IBTK: variants seen among roughly 807,000 people sequenced by gnomAD.
The protein encoded by IBTK is BTK-binding protein.
IBTK carries 83 observed loss-of-function variants against 154.9 expected under a neutral mutation model. The ratio of observed to expected loss-of-function variants is 0.54; its 90% CI spans 0.45 to 0.64. The LOEUF is 0.64. Ranked by LOEUF, IBTK falls within the 30% of genes least tolerant of loss-of-function variation. The probability of loss-of-function intolerance (pLI) is 0.00; values close to 1 mark genes in which losing one functional copy is unlikely to be tolerated. For missense variants in IBTK, 1,332 were observed against 1,584.6 expected (o/e 0.84, Z 2.71); for synonymous variants, 515 against 536.1 (o/e 0.96, Z 0.54).
At chr6:82,208,157 G>T (rs534027518) in intron 16 of IBTK, among the ~76,000 whole-genome samples, 6 of 151,306 alleles carry the variant, frequency 4.0e-5, no homozygotes, top group African/African-American at 9.7e-5. Context: ...TGAGGTGACG[G>T]TTATGTTAAT....
intron 5 of IBTK, 99 bp from the exon 6 acceptor site, chr6:82,225,746 A>C (rs1226302451): frequency 1.2e-6 from 1 of 853,258 alleles, no homozygotes; most frequent in African/African-American, 1.7e-5. Context: ...ATGAAATGAC[A>C]TGACTGATAC....
chr6:82,197,628 C>T (rs1476242161), intron 21 of IBTK, among the ~76,000 whole-genome samples: 1 of 152,268 alleles, frequency 6.6e-6, no homozygotes, highest in Admixed American at 6.5e-5. Flanking sequence ...GCCTTGGCCT[C>T]CCAAAGTGCT....
At chr6:82,182,763 A>T (rs973542872) in intron 25 of IBTK, among the ~76,000 whole-genome samples, 1 of 152,228 alleles carries the variant, frequency 6.6e-6, no homozygotes, top group African/African-American at 2.4e-5. Flanking sequence ...TAGAAACACA[A>T]CACAGAATGA....
chr6:82,224,219 T>A (rs760399586), intron 6 of IBTK, 34 bp from the exon 7 acceptor site: 14 of 1,412,006 alleles, frequency 9.9e-6, no homozygotes, highest in Non-Finnish European at 1.4e-5. Flanking sequence ...CAATTTACTA[T>A]ATATTTATGA....
intron 25 of IBTK, chr6:82,189,074 G>T (rs1486672967): frequency 2.3e-6 from 1 of 430,736 alleles, no homozygotes; most frequent in South Asian, 1.7e-5. Flanking sequence ...AGCCTAGGGG[G>T]ACCAATATCT....
chr6:82,172,363 C>A lies in IBTK; in HGVS notation c.3930+17G>T. On this transcript the variant is annotated intron_variant, in intron 28 of 28. Coordinates refer to ENST00000306270, the MANE Select transcript of IBTK (RefSeq NM_015525.4). Reference sequence around the variant, plus strand: ...TAGTTCTTCTCTAAATTAAACCCTACTAAGTATGTTATTTACCTGAATCAG... The same window carrying A: ...TAGTTCTTCTCTAAATTAAACCCTAATAAGTATGTTATTTACCTGAATCAG... 1 of 1,608,758 alleles carries A rather than the reference C, an allele frequency of 6.2e-7. No individual in the cohort carries two copies. Among genetic ancestry groups the A allele is most frequent in the Non-Finnish European group, 8.5e-7 (1 of 1,178,170 alleles).
chr6:82,191,257 A>C, intron 24 of IBTK, 41 bp from the exon 25 acceptor site: 1 of 1,510,916 alleles, frequency 6.6e-7, no homozygotes. Flanking sequence ...TTCTTCTGAC[A>C]AAGTTTAATT....
chr6:82,194,789 T>C (rs1300142920), intron 22 of IBTK, 147 bp from the exon 23 acceptor site: 1 of 524,632 alleles, frequency 1.9e-6, no homozygotes, highest in African/African-American at 2.0e-5. Flanking sequence ...AATCATGTTC[T>C]TCTACAGTTT....
chr6:82,214,448 C>G lies in IBTK; in HGVS notation c.1983G>C (p.Gln661His), dbSNP rs754743772. The change falls in exon 12 of 29, where the codon CAG (glutamine) becomes CAC (histidine). Residue 661 changes from glutamine to histidine, a missense_variant. By Grantham distance (24) the Gln-to-His change is conservative (BLOSUM62 0). This residue lies in a region of IBTK where 1,134 missense variants were observed against 1,274.7 expected (regional missense o/e 0.89). Transcript: ENST00000306270. Reference protein sequence around the residue: ...IHLNKNPEEYQGTLNSHLNKV... With the variant: ...IHLNKNPEEYHGTLNSHLNKV... Reference sequence around the variant, plus strand: ...TATTCAAATGAGAATTCAGAGTTCCCTGATATTCTTCTGGGTTTTTGTTTA... The same window carrying G: ...TATTCAAATGAGAATTCAGAGTTCCGTGATATTCTTCTGGGTTTTTGTTTA... 7 of 1,613,914 alleles carry G rather than the reference C, an allele frequency of 4.3e-6. No individual in the cohort carries two copies. Among genetic ancestry groups the G allele is most frequent in the Non-Finnish European group, 4.2e-6 (5 of 1,179,922 alleles).
chr6:82,208,098 A>G (rs139902706), intron 16 of IBTK, among the ~76,000 whole-genome samples: 1,782 of 151,350 alleles, frequency 0.012, 29 homozygotes, highest in Non-Finnish European at 0.015. Flanking sequence ...TTGCTGAAGG[A>G]CTAGATCTCA....
chr6:82,186,913 C>CTTTTTTTTTTTTTTTTTTTTTTTTTTT, intron 25 of IBTK, among the ~76,000 whole-genome samples: 1 of 103,676 alleles, frequency 9.6e-6, no homozygotes, highest in Non-Finnish European at 1.9e-5. Context: ...TTATCAAATT[C>CTTTTTTTTTTTTTTTTTTTTTTTTTTT]TTTTTTTTTT....
chr6:82,235,549 G>A (rs536233566), intron 2 of IBTK, among the ~76,000 whole-genome samples: 22 of 152,084 alleles, frequency 1.4e-4, no homozygotes, highest in African/African-American at 9.6e-5. Context: ...AACCGAGATC[G>A]CGCCACTGCA....
In IBTK at chr6:82,220,720, GA is replaced by G. The variant is rs34032511; in HGVS notation, c.1125-8del. The stretch of plus-strand genomic sequence containing the variant: ...TTTTTTCAAGTTCAACTGTCTAGAT[GA>G]AAAAAAAAAAAATCCTAGATTAATA... On this transcript the variant is annotated splice_region_variant and splice_polypyrimidine_tract_variant and intron_variant, in intron 8 of 28. Transcript: ENST00000306270. The G allele has an allele frequency of 0.068, 76,940 of 1,137,664 alleles. 47 individuals are homozygous for G. The highest frequency in any genetic ancestry group is 0.088 in the East Asian group (2,605 of 29,562). The allele number at this position is 1,137,664 out of a possible 1,614,324, so 70.5% of individuals were successfully genotyped here. A position where few individuals can be genotyped will look rare whatever the true frequency, so the allele number is the denominator to read the frequency against.
At chr6:82,236,297 C>A (rs1770711322) in intron 2 of IBTK, among the ~76,000 whole-genome samples, 1 of 152,310 alleles carries the variant, frequency 6.6e-6, no homozygotes. Context: ...TGGATTACTG[C>A]CTGGCACATA....
chr6:82,219,100 T>C (rs1232204651), intron 9 of IBTK, among the ~76,000 whole-genome samples: 1 of 152,126 alleles, frequency 6.6e-6, no homozygotes, highest in African/African-American at 2.4e-5. Context: ...TAGTACAAAC[T>C]GGAGCTCTAA....
intron 2 of IBTK, among the ~76,000 whole-genome samples, chr6:82,235,550 C>T (rs147019653): frequency 0.017 from 2,509 of 152,022 alleles, 27 homozygotes; most frequent in Non-Finnish European, 0.024. Context: ...ACCGAGATCG[C>T]GCCACTGCAC....
Position 82,172,428 on chromosome 6 carries a change from T to C in IBTK, c.3882A>G (p.Gln1294=). Residue 1294 remains glutamine (Q), a synonymous_variant, in exon 28 of 29, where the codon CAA becomes CAG. Transcript: ENST00000306270. The part of the protein sequence containing the change: ...FASIVEEELQ[Q]EAALIRSREK... ...CTCGACTTCTAATAAGAGCTGCTTC[T>C]TGTTGTAGTTCTTCTTCTACAATAG... The C allele has an allele frequency of 6.2e-7, 1 of 1,614,002 alleles. No individual in the cohort carries two copies. The highest frequency in any genetic ancestry group is 8.5e-7 in the Non-Finnish European group (1 of 1,179,882).
intron 22 of IBTK, 134 bp downstream of exon 22, chr6:82,196,164 C>A (rs955152298): frequency 1.2e-5 from 8 of 673,414 alleles, no homozygotes; most frequent in Admixed American, 2.9e-5. Context: ...AGAAAACTAA[C>A]ACTATATTTG....
At chr6:82,185,184 G>GAAAAAAAAA (rs1196015823) in intron 25 of IBTK, among the ~76,000 whole-genome samples, 33 of 37,684 alleles carry the variant, frequency 8.8e-4, no homozygotes, top group Non-Finnish European at 1.4e-3. Flanking sequence ...CTCTGTCTCA[G>GAAAAAAAAA]AAAAAAAAAA....
Sources: gnomAD v4.1 joint callset for allele counts (sites outside exome capture counted in the v4.1 genomes callset) on GRCh38, gnomAD v4.1.1 for gene constraint, gnomAD v4.1.1 regional missense constraint, MANE v1.5 for transcripts, NCBI Gene and HGNC (gene_info 2026-07-23, HGNC 2026-07-21) for gene names.